Variants in TMEM50A observed in about 807,000 individuals in gnomAD.
The protein encoded by TMEM50A is transmembrane protein 50A.
In TMEM50A, 8 loss-of-function variants were observed where a neutral mutation model predicts 23.9. The observed-to-expected ratio is 0.33, with a 90% confidence interval of 0.20 to 0.60. TMEM50A has a LOEUF of 0.60. TMEM50A is among the 20% of genes least tolerant of loss of function. TMEM50A has a pLI of 0.81. For missense variants in TMEM50A, 178 were observed against 192.7 expected (o/e 0.92, Z 0.45); for synonymous variants, 55 against 60.4 (o/e 0.91, Z 0.41).
chr1:25,348,731 C>G (rs1645246862), intron 3 of TMEM50A, among the ~76,000 whole-genome samples: 1 of 151,950 alleles, frequency 6.6e-6, no homozygotes, highest in South Asian at 2.1e-4. Flanking sequence ...ACGAAGTTGC[C>G]TATAATCTCA....
chr1:25,344,723 G>GT (rs970951572), intron 3 of TMEM50A, among the ~76,000 whole-genome samples: 44 of 147,248 alleles, frequency 3.0e-4, no homozygotes, highest in South Asian at 4.3e-4. Context: ...TTTGTTTTTT[G>GT]TTTTTTTTTG....
rs138529257 is a variant in TMEM50A at position 25,347,706 on chromosome 1, T to G, written c.207-3920T>G. Among the ~76,000 whole-genome samples the G allele has an allele frequency of 1.0e-3, 153 of 152,344 alleles. 1 individual carries two copies. The Middle Eastern group carries it at 0.034, about 34-fold the overall frequency. On this transcript the variant is annotated intron_variant, in intron 3 of 6. Coordinates refer to ENST00000374358, the MANE Select transcript of TMEM50A (RefSeq NM_014313.4). ...TGGCTAAGGGCAGCCAGTTTGACTG[T>G]GCCTGGCATGGAGTCAGTGCCAGAG... is the stretch of plus-strand genomic sequence containing the variant.
At chr1:25,352,813 T>C in intron 4 of TMEM50A, 69 bp from the exon 5 acceptor site, 1 of 1,449,348 alleles carries the variant, frequency 6.9e-7, no homozygotes, top group South Asian at 1.3e-5. Context: ...TTGGGTTTTA[T>C]TTTCTTTTTG....
intron 3 of TMEM50A, among the ~76,000 whole-genome samples, chr1:25,346,130 T>C (rs1019478099): frequency 6.6e-6 from 1 of 152,196 alleles, no homozygotes; most frequent in Non-Finnish European, 1.5e-5. Flanking sequence ...CTTTTTATTT[T>C]ATGTTCCAAT....
At chr1:25,348,286 A>G (rs545587151) in intron 3 of TMEM50A, among the ~76,000 whole-genome samples, 1 of 152,222 alleles carries the variant, frequency 6.6e-6, no homozygotes, top group South Asian at 2.1e-4. Flanking sequence ...CTATTCTTTC[A>G]TTAATGACTT....
rs749224048 is a variant in TMEM50A, at chr1:25,342,998, T to C, written c.131T>C (p.Val44Ala). Reference sequence around the variant, plus strand: ...TGGTGGATTATCATAGATGCAGCTGTTATTTATCCCACCATGAAAGATTTC... The same window carrying C: ...TGGTGGATTATCATAGATGCAGCTGCTATTTATCCCACCATGAAAGATTTC... ...TGWWIIIDAA[V>A]IYPTMKDFNH... The change falls in exon 3 of 7, where the codon GTT becomes GCT. Residue 44 changes from valine to alanine, a missense_variant. Transcript: ENST00000374358. The C allele has an allele frequency of 1.9e-6, 3 of 1,613,796 alleles. No individual in the cohort carries two copies. In the Admixed American group the frequency reaches 5.0e-5, roughly 27 times the overall value.
At chr1:25,348,080 G>T (rs577516756) in intron 3 of TMEM50A, among the ~76,000 whole-genome samples, 5 of 152,164 alleles carry the variant, frequency 3.3e-5, no homozygotes, top group African/African-American at 7.2e-5. Flanking sequence ...CTATTCAAAC[G>T]TGTTTCCTGC....
chr1:25,362,341 T>A lies in TMEM50A; in HGVS notation c.*1636T>A. 2 of 1,325,304 alleles carry A rather than the reference T, an allele frequency of 1.5e-6. No homozygotes were observed. The highest frequency in any genetic ancestry group is 2.1e-6 in the Non-Finnish European group (2 of 958,374). The allele number at this position is 1,325,304 out of a possible 1,614,324, so 82.1% of individuals were successfully genotyped here. A position where few individuals can be genotyped will look rare whatever the true frequency, so the allele number is the denominator to read the frequency against. On this transcript the variant is annotated 3_prime_UTR_variant, in exon 7 of 7. Transcript: ENST00000374358. Reference sequence around the variant, plus strand: ...AAACTAAACATTTATTTTAAACTTATTAAATTGACTCTTAAACTAAGTTTT... The same window carrying A: ...AAACTAAACATTTATTTTAAACTTAATAAATTGACTCTTAAACTAAGTTTT...
intron 5 of TMEM50A, among the ~76,000 whole-genome samples, chr1:25,354,505 G>A (rs1435333829): frequency 6.6e-6 from 1 of 151,964 alleles, no homozygotes; most frequent in Non-Finnish European, 1.5e-5. Flanking sequence ...CCAGCTACTC[G>A]GGAGACTGAC....
intron 3 of TMEM50A, among the ~76,000 whole-genome samples, chr1:25,346,957 T>A (rs1645224596): frequency 2.6e-5 from 4 of 152,218 alleles, no homozygotes; most frequent in African/African-American, 9.6e-5. Flanking sequence ...AGGCAGAGAT[T>A]ACAGTGAGCC....
chr1:25,353,084 C>T lies in TMEM50A; in HGVS notation c.367+110C>T, dbSNP rs139571183. 700 of 855,552 alleles carry T rather than the reference C, an allele frequency of 8.2e-4. 3 individuals are homozygous for T. The African/African-American group carries it at 0.011, about 13-fold the overall frequency. The allele number at this position is 855,552 out of a possible 1,614,324, so 53.0% of individuals were successfully genotyped here. ...TTCCTATAGTTGGGCCAACTACTAG[C>T]GATGCATTTATATCCGGGACCCCCC... On this transcript the variant is annotated intron_variant, in intron 5 of 6. Transcript: ENST00000374358.
In TMEM50A at chr1:25,358,215, G is replaced by C. The variant is rs113026221; in HGVS notation, c.428+1362G>C. On this transcript the variant is annotated intron_variant, in intron 6 of 6. Coordinates refer to ENST00000374358, the MANE Select transcript of TMEM50A (RefSeq NM_014313.4). Reference sequence around the variant, plus strand: ...ACCCGCCTCGGCCTCCCAAAGTGCTGGGATTACGGGCATGAGCCACCGTGC... The same window carrying C: ...ACCCGCCTCGGCCTCCCAAAGTGCTCGGATTACGGGCATGAGCCACCGTGC... Among the ~76,000 whole-genome samples the C allele has an allele frequency of 3.5e-3, 529 of 152,322 alleles. 4 individuals carry two copies. Among genetic ancestry groups the C allele is most frequent in the African/African-American group, 0.012 (503 of 41,574 alleles).
At chr1:25,349,703 C>A (rs1016218056) in intron 3 of TMEM50A, among the ~76,000 whole-genome samples, 1 of 152,170 alleles carries the variant, frequency 6.6e-6, no homozygotes, top group Non-Finnish European at 1.5e-5. Context: ...AATCCTCCTA[C>A]CTTGGCCTTC....
chr1:25,352,217 C>T (rs1389699911), intron 4 of TMEM50A, among the ~76,000 whole-genome samples: 3 of 152,038 alleles, frequency 2.0e-5, no homozygotes, highest in African/African-American at 4.8e-5. Flanking sequence ...TGGGAGCGGC[C>T]GGGCACAGTG....
intron 5 of TMEM50A, among the ~76,000 whole-genome samples, chr1:25,356,338 C>T (rs992641517): frequency 1.3e-5 from 2 of 152,180 alleles, no homozygotes; most frequent in African/African-American, 2.4e-5. Flanking sequence ...CTGGCGTGCT[C>T]CCTCAGGGCG....
chr1:25,357,528 AGTGTGTGTGTGTGTGTGTGTGT>A (rs58801158), intron 6 of TMEM50A, among the ~76,000 whole-genome samples: 2 of 139,564 alleles, frequency 1.4e-5, no homozygotes, highest in Non-Finnish European at 3.1e-5. Flanking sequence ...CTGCATCAGG[AGTGTGTGTGTGTGTGTGTGTGT>A]GTGTGTGTGT....
intron 2 of TMEM50A, among the ~76,000 whole-genome samples, chr1:25,342,080 G>A (rs1645174646): frequency 6.6e-6 from 1 of 152,130 alleles, no homozygotes; most frequent in Admixed American, 6.6e-5. Flanking sequence ...AAAGGCATAT[G>A]TACTCATGCT....
At chr1:25,344,791 A>G (rs1645197362) in intron 3 of TMEM50A, among the ~76,000 whole-genome samples, 2 of 151,746 alleles carry the variant, frequency 1.3e-5, no homozygotes, top group Non-Finnish European at 2.9e-5. Context: ...TTCTTCTTGA[A>G]TGCTGCAGTT....
Position 25,362,262 on chromosome 1 carries a change from A to T in TMEM50A, c.*1557A>T, listed in dbSNP as rs945939673. 2.8e-6 allele frequency: 2 copies of T among 718,014 alleles called. No individual in the cohort carries two copies. The highest frequency in any genetic ancestry group is 6.0e-5 in the Admixed American group (2 of 33,482). The allele number at this position is 718,014 out of a possible 1,614,324, so 44.5% of individuals were successfully genotyped here. A position where few individuals can be genotyped will look rare whatever the true frequency, so the allele number is the denominator to read the frequency against. On this transcript the variant is annotated 3_prime_UTR_variant, in exon 7 of 7. Coordinates refer to ENST00000374358, the MANE Select transcript of TMEM50A (RefSeq NM_014313.4). ...AAGAATTGTCAATAAAATTAACCCA[A>T]AACTTTAATAATGTGTCTGTAACCA...
Sources: gnomAD v4.1 joint callset for allele counts (sites outside exome capture counted in the v4.1 genomes callset) on GRCh38, gnomAD v4.1.1 for gene constraint, MANE v1.5 for transcripts, NCBI Gene and HGNC (gene_info 2026-07-23, HGNC 2026-07-21) for gene names.